Variants in SLC41A2 observed in about 807,000 individuals in gnomAD.
SLC41A2 encodes the protein solute carrier family 41 member 2.
A neutral mutation model predicts 58.3 loss-of-function variants in SLC41A2; 32 were observed. The ratio of observed to expected loss-of-function variants is 0.55; its 90% confidence interval spans 0.41 to 0.74. The LOEUF (loss-of-function observed/expected upper bound fraction) is 0.74, where lower values mean the gene tolerates loss of function less well. Among genes scored for constraint, SLC41A2 ranks in the 30% least tolerant of loss-of-function variants. SLC41A2 has a pLI of 0.00. For synonymous variants in SLC41A2, 190 were observed against 235.0 expected (o/e 0.81, Z 1.75); for missense variants, 514 against 680.6 (o/e 0.76, Z 2.72).
At chr12:104,828,792 G>A (rs1013430315) in intron 10 of SLC41A2, among the ~76,000 whole-genome samples, 3 of 151,758 alleles carry the variant, frequency 2.0e-5, no homozygotes, top group Non-Finnish European at 4.4e-5. Flanking sequence ...TAACAAAAAA[G>A]TAGTATCCAT....
At chr12:104,886,557 T>A (rs2044675720) in intron 5 of SLC41A2, 118 bp from the exon 6 acceptor site, 8 of 1,031,830 alleles carry the variant, frequency 7.8e-6, no homozygotes, top group African/African-American at 1.6e-5. Flanking sequence ...ACTGCTTAGA[T>A]AAGCTGACTA....
chr12:104,919,402 G>C (rs2046484559), intron 2 of SLC41A2, among the ~76,000 whole-genome samples: 1 of 152,124 alleles, frequency 6.6e-6, no homozygotes, highest in African/African-American at 2.4e-5. Flanking sequence ...TAATATTTAG[G>C]GTTTGTTTTT....
chr12:104,839,945 CTTAAA>C (rs2042349807), intron 10 of SLC41A2, among the ~76,000 whole-genome samples: 2 of 152,120 alleles, frequency 1.3e-5, no homozygotes, highest in South Asian at 2.1e-4. Context: ...TAGTAGAAGC[CTTAAA>C]TTAAATAGGG....
chr12:104,825,675 G>A (rs1392677222), intron 10 of SLC41A2, among the ~76,000 whole-genome samples: 1 of 152,178 alleles, frequency 6.6e-6, no homozygotes, highest in Admixed American at 6.5e-5. Context: ...GATACAAACA[G>A]CCTCTGAAAT....
chr12:104,905,467 C>A (rs916845808), intron 3 of SLC41A2, among the ~76,000 whole-genome samples: 1 of 152,208 alleles, frequency 6.6e-6, no homozygotes, highest in Non-Finnish European at 1.5e-5. Context: ...GATCCCGCAC[C>A]GGGGCTGCAG....
At chr12:104,935,947 C>T (rs1031890011) in intron 1 of SLC41A2, among the ~76,000 whole-genome samples, 7 of 151,858 alleles carry the variant, frequency 4.6e-5, no homozygotes, top group African/African-American at 1.7e-4. Context: ...GGAGGCTGAA[C>T]CATGAGAATT....
chr12:104,886,950 AT>A (rs1221178603), intron 5 of SLC41A2, among the ~76,000 whole-genome samples: 1 of 152,062 alleles, frequency 6.6e-6, no homozygotes, highest in Non-Finnish European at 1.5e-5. Flanking sequence ...ACATAATTAA[AT>A]TTTAAAACAC....
intron 10 of SLC41A2, among the ~76,000 whole-genome samples, chr12:104,816,485 G>A (rs2041409120): frequency 1.3e-5 from 2 of 152,180 alleles, no homozygotes; most frequent in Admixed American, 1.3e-4. Flanking sequence ...GGCCACTTGT[G>A]CCCTCTGCCT....
chr12:104,893,651 T>C (rs1254852526), intron 4 of SLC41A2, among the ~76,000 whole-genome samples: 2 of 152,202 alleles, frequency 1.3e-5, no homozygotes, highest in Non-Finnish European at 2.9e-5. Context: ...GTGGTACTTA[T>C]ACAAAATGGA....
intron 10 of SLC41A2, among the ~76,000 whole-genome samples, chr12:104,834,335 TTAAGG>T (rs1292450651): frequency 6.6e-6 from 1 of 152,210 alleles, no homozygotes; most frequent in Non-Finnish European, 1.5e-5. Context: ...ACTTCCTATC[TTAAGG>T]TAAGCATATT....
chr12:104,833,127 T>A (rs1482765995), intron 10 of SLC41A2, among the ~76,000 whole-genome samples: 2 of 152,182 alleles, frequency 1.3e-5, no homozygotes, highest in Non-Finnish European at 2.9e-5. Context: ...GAACTAAGAA[T>A]AAATAAGTTT....
chr12:104,804,940 A>T lies in SLC41A2; in HGVS notation c.*212T>A, dbSNP rs2040838829. 2.6e-6 allele frequency: 1 copy of T among 391,542 alleles called. No individual in the cohort carries two copies. Among genetic ancestry groups the T allele is most frequent in the African/African-American group, 2.1e-5 (1 of 48,414 alleles). 24.3% of individuals were successfully genotyped at this position (391,542 alleles called of 1,614,324 possible). ...ATATCTATGTCTATGTCAAATTATC[A>T]TTTATTCTATGAAAAGCAGCACGAA... is the stretch of plus-strand genomic sequence containing the variant. On this transcript the variant is annotated 3_prime_UTR_variant, in exon 11 of 11. Transcript: ENST00000258538.
chr12:104,818,160 C>T (rs538077363), intron 10 of SLC41A2, among the ~76,000 whole-genome samples: 5 of 151,904 alleles, frequency 3.3e-5, no homozygotes, highest in African/African-American at 4.8e-5. Context: ...AGCAAGAGCT[C>T]GGTGTAAATA....
At chr12:104,869,730 T>A (rs2043665083) in intron 6 of SLC41A2, among the ~76,000 whole-genome samples, 1 of 152,166 alleles carries the variant, frequency 6.6e-6, no homozygotes, top group African/African-American at 2.4e-5. Context: ...CCAATTTTGA[T>A]AGGTAGGGAA....
chr12:104,923,972 G>A (rs1276247651), intron 2 of SLC41A2, among the ~76,000 whole-genome samples: 1 of 152,064 alleles, frequency 6.6e-6, no homozygotes, highest in African/African-American at 2.4e-5. Flanking sequence ...AAAAGCAGGA[G>A]GAAAAGAACT....
intron 8 of SLC41A2, among the ~76,000 whole-genome samples, chr12:104,854,330 G>A (rs1341420031): frequency 2.0e-5 from 3 of 152,054 alleles, no homozygotes; most frequent in South Asian, 2.1e-4. Flanking sequence ...TTGGGAGGCC[G>A]AGGTGGGCGG....
rs1191699042 is a variant in SLC41A2 at position 104,802,886 on chromosome 12, G to GA, written c.*2265dup. On this transcript the variant is annotated 3_prime_UTR_variant, in exon 11 of 11. Coordinates refer to ENST00000258538, the MANE Select transcript of SLC41A2 (RefSeq NM_001352171.3). Reference sequence around the variant, plus strand: ...TTTGGAGGGTCATAAACATGTCATAGAAAGAGTACTGGCATTATGAAAACC... The same window carrying GA: ...TTTGGAGGGTCATAAACATGTCATAGAAAAGAGTACTGGCATTATGAAAACC... 1 of 152,114 alleles carries GA rather than the reference G, an allele frequency of 6.6e-6. No homozygotes were observed. Among genetic ancestry groups the GA allele is most frequent in the East Asian group, 1.9e-4 (1 of 5,194 alleles). 9.4% of individuals were successfully genotyped at this position (152,114 alleles called of 1,614,324 possible).
intron 1 of SLC41A2, among the ~76,000 whole-genome samples, chr12:104,956,873 C>T (rs1306683817): frequency 6.6e-6 from 1 of 152,140 alleles, no homozygotes; most frequent in African/African-American, 2.4e-5. Flanking sequence ...ACACTCACTA[C>T]GATGGCTATC....
At chr12:104,836,444 A>G (rs1478849356) in intron 10 of SLC41A2, among the ~76,000 whole-genome samples, 1 of 152,246 alleles carries the variant, frequency 6.6e-6, no homozygotes, top group Non-Finnish European at 1.5e-5. Context: ...GAACTGTTAG[A>G]GATCAAAAAC....
Sources: gnomAD v4.1 joint callset for allele counts (sites outside exome capture counted in the v4.1 genomes callset) on GRCh38, gnomAD v4.1.1 for gene constraint, MANE v1.5 for transcripts, NCBI Gene and HGNC (gene_info 2026-07-23, HGNC 2026-07-21) for gene names.